SGK3: variants seen among roughly 807,000 people sequenced by gnomAD.
SGK3 encodes the protein serum/glucocorticoid regulated kinase family member 3.
SGK3 carries 47 observed loss-of-function variants against 68.5 expected under a neutral mutation model. That is an observed-to-expected ratio of 0.69 (90% confidence interval 0.54 to 0.87). The LOEUF (loss-of-function observed/expected upper bound fraction) is 0.87, where lower values mean the gene tolerates loss of function less well. SGK3 is among the 40% of genes least tolerant of loss of function. SGK3 has a pLI of 0.00. For missense variants in SGK3, 479 were observed against 575.5 expected, an observed-to-expected ratio of 0.83 and a Z score of 1.72; for synonymous variants, 181 against 189.1, an observed-to-expected ratio of 0.96 and a Z score of 0.35.
chr8:66,723,110 TA>T lies in SGK3; in HGVS notation c.-122+10278del, dbSNP rs1563595120. 4.7e-3 allele frequency among the ~76,000 whole-genome samples: 224 copies of T among 47,724 alleles called. 1 individual carries two copies. Among genetic ancestry groups the T allele is most frequent in the Non-Finnish European group, 7.5e-3 (177 of 23,664 alleles). The allele number at this position is 47,724 out of a possible 152,430, so 31.3% of individuals were successfully genotyped here. A position where few individuals can be genotyped will look rare whatever the true frequency, so the allele number is the denominator to read the frequency against. On this transcript the variant is annotated intron_variant, in intron 1 of 16. Coordinates refer to ENST00000521198, the MANE Select transcript of SGK3 (RefSeq NM_001033578.3). ...TTGTTCATATATATATATATATATA[TA>T]TATATATATATATATATATATTTTT... is the stretch of plus-strand genomic sequence containing the variant.
intron 2 of SGK3, among the ~76,000 whole-genome samples, chr8:66,798,155 T>G (rs1243210871): frequency 1.3e-5 from 2 of 151,952 alleles, no homozygotes; most frequent in African/African-American, 4.8e-5. Flanking sequence ...ACTACAGGCG[T>G]GTACACCATG....
At chr8:66,748,233 T>G (rs1483604755) in intron 1 of SGK3, among the ~76,000 whole-genome samples, 2 of 152,204 alleles carry the variant, frequency 1.3e-5, no homozygotes, top group Non-Finnish European at 2.9e-5. Flanking sequence ...TTTCTTCTCA[T>G]TCTTAGAAGA....
At chr8:66,833,180 A>G (rs1414894234) in intron 8 of SGK3, among the ~76,000 whole-genome samples, 1 of 151,730 alleles carries the variant, frequency 6.6e-6, no homozygotes, top group Non-Finnish European at 1.5e-5. Flanking sequence ...TAATTTTTGT[A>G]TTTTTAGTGG....
At chr8:66,800,340 C>A (rs1262773329) in intron 3 of SGK3, among the ~76,000 whole-genome samples, 346 of 92,808 alleles carry the variant, frequency 3.7e-3, no homozygotes, top group African/African-American at 0.012. Context: ...GACTCTCTCT[C>A]AAAAAAAAAA....
intron 1 of SGK3, among the ~76,000 whole-genome samples, chr8:66,723,115 ATATATATATATATATATTTTT>A (rs1262456787): frequency 4.1e-5 from 2 of 48,746 alleles, no homozygotes; most frequent in Non-Finnish European, 8.1e-5. Context: ...ATATATATAT[ATATATATATATATATATTTTT>A]TTTTTTTTTT....
At chr8:66,820,584 A>G (rs551079306) in intron 5 of SGK3, among the ~76,000 whole-genome samples, 1 of 152,324 alleles carries the variant, frequency 6.6e-6, no homozygotes, top group East Asian at 1.9e-4. Context: ...TTGGAATTGC[A>G]GGGTCATAAG....
At chr8:66,779,053 CT>C (rs1279698773) in intron 1 of SGK3, among the ~76,000 whole-genome samples, 1 of 151,714 alleles carries the variant, frequency 6.6e-6, no homozygotes, top group Non-Finnish European at 1.5e-5. Flanking sequence ...ACTTTCTTTC[CT>C]TTCATTGTTT....
chr8:66,754,871 A>G (rs943735067), intron 1 of SGK3, among the ~76,000 whole-genome samples: 4 of 152,226 alleles, frequency 2.6e-5, no homozygotes, highest in Non-Finnish European at 2.9e-5. Context: ...ACAGTTACCA[A>G]TATGACACAC....
intron 16 of SGK3, among the ~76,000 whole-genome samples, chr8:66,852,274 A>AT (rs1810322872): frequency 7.0e-6 from 1 of 143,622 alleles, no homozygotes; most frequent in Non-Finnish European, 1.5e-5. Context: ...AACTTAAGGA[A>AT]TCCTTTTTTT....
intron 1 of SGK3, among the ~76,000 whole-genome samples, chr8:66,723,112 TATATATATA>T (rs1804856640): frequency 3.9e-5 from 2 of 50,710 alleles, no homozygotes; most frequent in African/African-American, 8.3e-5. Flanking sequence ...TATATATATA[TATATATATA>T]TATATATATA....
At chr8:66,833,871 A>G (rs937055684) in intron 8 of SGK3, among the ~76,000 whole-genome samples, 1 of 151,788 alleles carries the variant, frequency 6.6e-6, no homozygotes, top group African/African-American at 2.4e-5. Context: ...TTGTATTATT[A>G]GTAGAGACAG....
intron 1 of SGK3, among the ~76,000 whole-genome samples, chr8:66,762,537 A>C (rs1281096986): frequency 6.6e-6 from 1 of 152,002 alleles, no homozygotes; most frequent in East Asian, 1.9e-4. Flanking sequence ...CCAAAAACAA[A>C]AATATAACAT....
chr8:66,828,236 T>G (rs1433698383), intron 6 of SGK3, among the ~76,000 whole-genome samples: 1 of 152,246 alleles, frequency 6.6e-6, no homozygotes, highest in Non-Finnish European at 1.5e-5. Context: ...CAATCATCAT[T>G]GTCATCATCC....
chr8:66,768,975 T>G (rs2130483351), intron 1 of SGK3, among the ~76,000 whole-genome samples: 1 of 152,312 alleles, frequency 6.6e-6, no homozygotes, highest in East Asian at 1.9e-4. Context: ...TTATCACTGG[T>G]TTTTAGTACT....
intron 1 of SGK3, among the ~76,000 whole-genome samples, chr8:66,758,198 A>G (rs771848644): frequency 6.6e-6 from 1 of 151,956 alleles, no homozygotes; most frequent in Admixed American, 6.6e-5. Flanking sequence ...TACTAAAAAT[A>G]CAAAAATTAG....
intron 1 of SGK3, among the ~76,000 whole-genome samples, chr8:66,778,351 T>G (rs1255841376): frequency 1.3e-5 from 2 of 152,234 alleles, no homozygotes; most frequent in Non-Finnish European, 2.9e-5. Context: ...TGGAGTGAAG[T>G]GGTGGCGCGA....
At position 66,793,894 on chromosome 8, in the gene SGK3, G is replaced by C. The variant is rs1300357775; in HGVS notation, c.96+62G>C. 5 of 1,543,260 alleles carry C rather than the reference G, an allele frequency of 3.2e-6. No individual in the cohort carries two copies. In the African/African-American group the frequency reaches 4.1e-5, roughly 13 times the overall value. On this transcript the variant is annotated intron_variant, in intron 2 of 16. Coordinates refer to ENST00000521198, the MANE Select transcript of SGK3 (RefSeq NM_001033578.3). The stretch of plus-strand genomic sequence containing the variant: ...GAATGTAGAGAATATTTTCATTTCT[G>C]CTTTTCTTCTCCAACCTAGAACACC...
chr8:66,854,124 G>T (rs778588666), intron 16 of SGK3, among the ~76,000 whole-genome samples: 1 of 152,136 alleles, frequency 6.6e-6, no homozygotes, highest in Admixed American at 6.6e-5. Flanking sequence ...TTACTTTGTT[G>T]CTGCTTTCAT....
At chr8:66,807,574 G>A (rs568839583) in intron 4 of SGK3, among the ~76,000 whole-genome samples, 1 of 152,308 alleles carries the variant, frequency 6.6e-6, no homozygotes, top group African/African-American at 2.4e-5. Context: ...ATATTAGAAA[G>A]TCCTGCATTG....
Sources: gnomAD v4.1 joint callset for allele counts (sites outside exome capture counted in the v4.1 genomes callset) on GRCh38, gnomAD v4.1.1 for gene constraint, MANE v1.5 for transcripts, NCBI Gene and HGNC (gene_info 2026-07-23, HGNC 2026-07-21) for gene names.